Variants in PELO observed in about 807,000 individuals in gnomAD.
PELO encodes the protein pelota mRNA surveillance and ribosome rescue factor, also known as protein pelota homolog.
A neutral mutation model predicts 25.9 loss-of-function variants in PELO; 19 were observed. The ratio of observed to expected loss-of-function variants is 0.73; its 90% CI spans 0.51 to 1.08. The LOEUF (loss-of-function observed/expected upper bound fraction) is 1.08. PELO is among the 50% of genes least tolerant of loss of function. The pLI is 0.00. For missense variants in PELO, 498 were observed against 491.4 expected (o/e 1.01, Z -0.13); for synonymous variants, 196 against 192.2 (o/e 1.02, Z -0.16).
At chr5:52,788,438 G>T in intron 1 of PELO, 24 bp downstream of exon 1, 1 of 1,491,786 alleles carries the variant, frequency 6.7e-7, no homozygotes, top group South Asian at 1.3e-5. Flanking sequence ...TTTTCTCTGA[G>T]CATCTCCTGC....
rs114511828 is a variant in PELO at position 52,800,183 on chromosome 5, A to C, written c.-212A>C. On this transcript the variant is annotated 5_prime_UTR_variant, in exon 2 of 3. Coordinates refer to ENST00000274311, the MANE Select transcript of PELO (RefSeq NM_015946.5). ...AGTGTTCCCCGAGCCTGTTAGACGCAGCGCGCCGGGAGACTGAGAGAGGAA... is the reference window on the plus strand; with the variant it reads ...AGTGTTCCCCGAGCCTGTTAGACGCCGCGCGCCGGGAGACTGAGAGAGGAA... 3 of 585,634 alleles carry C rather than the reference A, an allele frequency of 5.1e-6. No homozygotes were observed. Among genetic ancestry groups the C allele is most frequent in the South Asian group, 2.0e-5 (1 of 50,232 alleles). 36.3% of individuals were successfully genotyped at this position (585,634 alleles called of 1,614,324 possible).
Position 52,801,402 on chromosome 5 carries a change from A to G in PELO, c.727-7A>G. On this transcript the variant is annotated splice_polypyrimidine_tract_variant and splice_region_variant and intron_variant, in intron 2 of 2. Coordinates refer to ENST00000274311, the MANE Select transcript of PELO (RefSeq NM_015946.5). ...ATTTTGCCTAACTTTTGTAATTGTG[A>G]TTCTAGGTACATGCCTCCTCCGGAC... is the stretch of plus-strand genomic sequence containing the variant. 6.2e-7 allele frequency: 1 copy of G among 1,604,238 alleles called. No homozygotes were observed. The highest frequency in any genetic ancestry group is 1.3e-5 in the African/African-American group (1 of 74,596).
Position 52,803,181 on chromosome 5 carries a change from G to C in PELO, c.*1341G>C, listed in dbSNP as rs1204177027. The C allele has an allele frequency of 2.0e-5, 3 of 152,112 alleles. No homozygotes were observed. The highest frequency in any genetic ancestry group is 4.4e-5 in the Non-Finnish European group (3 of 68,036). 9.4% of individuals were successfully genotyped at this position (152,112 alleles called of 1,614,324 possible). ...GGTGTGACAGACTTGGGGATTTCTTGTAAACTTCCTAACTAGTCTGAACCT... is the reference window on the plus strand; with the variant it reads ...GGTGTGACAGACTTGGGGATTTCTTCTAAACTTCCTAACTAGTCTGAACCT... On this transcript the variant is annotated 3_prime_UTR_variant, in exon 3 of 3. Coordinates refer to ENST00000274311, the MANE Select transcript of PELO (RefSeq NM_015946.5).
intron 1 of PELO, among the ~76,000 whole-genome samples, chr5:52,793,838 G>A (rs942797318): frequency 6.6e-6 from 1 of 151,978 alleles, no homozygotes; most frequent in African/African-American, 2.4e-5. Context: ...TCAGGAGAAA[G>A]GTGACAATAA....
rs1486256001 is a variant in PELO at position 52,802,010 on chromosome 5, A to T, written c.*170A>T. The stretch of plus-strand genomic sequence containing the variant: ...TTGTGATTGGCAAGACATGTATTTA[A>T]ACAATAAACTAAAAGGAAATAATCT... On this transcript the variant is annotated 3_prime_UTR_variant, in exon 3 of 3. Coordinates refer to ENST00000274311, the MANE Select transcript of PELO (RefSeq NM_015946.5). The T allele has an allele frequency of 1.8e-6, 1 of 556,264 alleles. No individual in the cohort carries two copies. The highest frequency in any genetic ancestry group is 1.9e-5 in the African/African-American group (1 of 53,290). 34.5% of individuals were successfully genotyped at this position (556,264 alleles called of 1,614,324 possible).
intron 1 of PELO, among the ~76,000 whole-genome samples, chr5:52,795,655 A>G (rs1748326542): frequency 1.3e-5 from 2 of 151,944 alleles, no homozygotes; most frequent in African/African-American, 4.8e-5. Context: ...TATTTTTCCA[A>G]GGCTGAATAA....
rs1748441887 is a variant in PELO, at chr5:52,800,329, C to T, written c.-66C>T. On this transcript the variant is annotated 5_prime_UTR_variant, in exon 2 of 3. Coordinates refer to ENST00000274311, the MANE Select transcript of PELO (RefSeq NM_015946.5). The stretch of plus-strand genomic sequence containing the variant: ...TTCCTGGCCTGCATTCCCATCCCCT[C>T]TCCCGGGGCGGAGGTGAGGACCTCC... 1 of 1,584,128 alleles carries T rather than the reference C, an allele frequency of 6.3e-7. No individual in the cohort carries two copies. Among genetic ancestry groups the T allele is most frequent in the African/African-American group, 1.3e-5 (1 of 74,388 alleles).
chr5:52,800,053 G>C lies in PELO; in HGVS notation c.-342G>C. 3 of 319,732 alleles carry C rather than the reference G, an allele frequency of 9.4e-6. No homozygotes were observed. Among genetic ancestry groups the C allele is most frequent in the Non-Finnish European group, 1.2e-5 (2 of 169,072 alleles). The allele number at this position is 319,732 out of a possible 1,614,324, so 19.8% of individuals were successfully genotyped here. On this transcript the variant is annotated 5_prime_UTR_variant, in exon 2 of 3. Transcript: ENST00000274311. Reference sequence around the variant, plus strand: ...CCCCGCCTCTCCTTTGGGGACGGGAGACGTGCGTCGGGTCGCGGGACGGGG... The same window carrying C: ...CCCCGCCTCTCCTTTGGGGACGGGACACGTGCGTCGGGTCGCGGGACGGGG...
Position 52,800,478 on chromosome 5 carries a change from CACTT to C in PELO, c.87_90del (p.Tyr30ThrfsTer121), listed in dbSNP as rs746821651. 3 of 1,613,954 alleles carry C rather than the reference CACTT, an allele frequency of 1.9e-6. No individual in the cohort carries two copies. Among genetic ancestry groups the C allele is most frequent in the African/African-American group, 2.7e-5 (2 of 74,920 alleles). On this transcript the variant is annotated frameshift_variant, in exon 2 of 3. Coordinates refer to ENST00000274311, the MANE Select transcript of PELO (RefSeq NM_015946.5). LOFTEE classifies it high-confidence loss of function. ...CCGAGGAGCCTGAGGACATGTGGCA[CACTT>C]ACAACCTCGTGCAGGTGGGCGACAG...
At chr5:52,792,537 G>A (rs184307166) in intron 1 of PELO, among the ~76,000 whole-genome samples, 5 of 152,164 alleles carry the variant, frequency 3.3e-5, no homozygotes, top group Admixed American at 2.6e-4. Context: ...TGAAGCATGA[G>A]CTCTTGGGCC....
At chr5:52,797,628 T>C (rs1384810358) in intron 1 of PELO, among the ~76,000 whole-genome samples, 1 of 152,136 alleles carries the variant, frequency 6.6e-6, no homozygotes, top group East Asian at 1.9e-4. Context: ...CAGTGGATAA[T>C]AGCACATAAT....
chr5:52,794,252 C>A (rs958644153), intron 1 of PELO, among the ~76,000 whole-genome samples: 9 of 151,346 alleles, frequency 5.9e-5, no homozygotes, highest in Admixed American at 2.0e-4. Flanking sequence ...AAATATAGCA[C>A]CTAAGTCACT....
At chr5:52,799,439 G>A (rs1472521779) in intron 1 of PELO, among the ~76,000 whole-genome samples, 6 of 152,194 alleles carry the variant, frequency 3.9e-5, no homozygotes, top group Non-Finnish European at 7.4e-5. Context: ...GCTGCGGAAA[G>A]CTGAGGCTGC....
rs921790112 is a variant in PELO, at chr5:52,802,893, T to C, written c.*1053T>C. The C allele has an allele frequency of 6.6e-6, 1 of 152,212 alleles. No individual in the cohort carries two copies. Among genetic ancestry groups the C allele is most frequent in the Non-Finnish European group, 1.5e-5 (1 of 68,022 alleles). 9.4% of individuals were successfully genotyped at this position (152,212 alleles called of 1,614,324 possible). A position where few individuals can be genotyped will look rare whatever the true frequency, so the allele number is the denominator to read the frequency against. On this transcript the variant is annotated 3_prime_UTR_variant, in exon 3 of 3. Coordinates refer to ENST00000274311, the MANE Select transcript of PELO (RefSeq NM_015946.5). The stretch of plus-strand genomic sequence containing the variant: ...TGACTTAAACTCTGATACTCTTTAC[T>C]ATAATTATGGAATTGTGCAAATACC...
In PELO at chr5:52,801,592, G is replaced by C. The variant is rs749128583; in HGVS notation, c.910G>C (p.Glu304Gln). The C allele has an allele frequency of 3.1e-6, 5 of 1,614,028 alleles. No individual in the cohort carries two copies. The highest frequency in any genetic ancestry group is 1.7e-5 in the Admixed American group (1 of 60,014). ...YGLKQVEKAN[E>Q]AMAIDTLLIS... ...ACTCAAGCAGGTGGAGAAGGCCAAT[G>C]AAGCCATGGCAATTGACACATTGCT... Residue 304 changes from glutamate (E) to glutamine (Q), a missense_variant, in exon 3 of 3, where the codon GAA becomes CAA. Physicochemically the swap from Glu to Gln is conservative, Grantham distance 29. Coordinates refer to ENST00000274311, the MANE Select transcript of PELO (RefSeq NM_015946.5).
chr5:52,799,726 G>A (rs1748416348), intron 1 of PELO, among the ~76,000 whole-genome samples, 159 bp from the exon 2 acceptor site: 1 of 152,186 alleles, frequency 6.6e-6, no homozygotes, highest in Non-Finnish European at 1.5e-5. Context: ...GAGCAAAAAC[G>A]AGCATAGTTT....
In PELO at chr5:52,801,095, T is replaced by C; in HGVS notation, c.701T>C (p.Leu234Pro). The stretch of plus-strand genomic sequence containing the variant: ...GTGAAGACCGACAACAAACTGCTCC[T>C]GGAAAACCGGTCCAAATTTCTTCAG... ...QAVKTDNKLLLENRSKFLQVH... is the reference protein window; with the variant it reads ...QAVKTDNKLLPENRSKFLQVH... Residue 234 changes from leucine to proline, a missense_variant, in exon 2 of 3, where the codon CTG becomes CCG. Physicochemically the swap from Leu to Pro is moderately conservative, Grantham distance 98. Transcript: ENST00000274311. 6.2e-7 allele frequency: 1 copy of C among 1,605,878 alleles called. No individual in the cohort carries two copies. The highest frequency in any genetic ancestry group is 8.5e-7 in the Non-Finnish European group (1 of 1,175,310).
At position 52,800,560 on chromosome 5, in the gene PELO, G is replaced by T; in HGVS notation, c.166G>T (p.Val56Leu). ...ACAGACAGAGTCCTCCACGGGCAGC[G>T]TGGGCAGCAACCGGGTCCGCACTAC... ...KVQTESSTGS[V>L]GSNRVRTTLT... The change falls in exon 2 of 3, where the codon GTG becomes TTG. Residue 56 changes from valine (V) to leucine (L), a missense_variant. Coordinates refer to ENST00000274311, the MANE Select transcript of PELO (RefSeq NM_015946.5). 6.2e-7 allele frequency: 1 copy of T among 1,613,784 alleles called. No homozygotes were observed. Among genetic ancestry groups the T allele is most frequent in the East Asian group, 2.2e-5 (1 of 44,866 alleles).
At chr5:52,797,828 T>C (rs536103047) in intron 1 of PELO, among the ~76,000 whole-genome samples, 4 of 152,322 alleles carry the variant, frequency 2.6e-5, no homozygotes, top group African/African-American at 9.6e-5. Context: ...AGGGGAGAAT[T>C]AGAGCATAGG....
Sources: allele counts gnomAD v4.1 joint callset (sites outside exome capture counted in the v4.1 genomes callset), GRCh38; gene constraint gnomAD v4.1.1; transcripts MANE v1.5; gene names NCBI Gene and HGNC (gene_info 2026-07-23, HGNC 2026-07-21).